The following STIM2 variants were observed in gnomAD, a reference collection of about 807,000 sequenced individuals.
STIM2 encodes the protein stromal interaction molecule 2.
STIM2 carries 31 observed loss-of-function variants against 85.8 expected under a neutral mutation model. The ratio of observed to expected loss-of-function variants is 0.36; its 90% CI spans 0.27 to 0.49. The LOEUF is 0.49. Among genes scored for constraint, STIM2 ranks in the 20% least tolerant of loss-of-function variants. The pLI is 0.98. For synonymous variants in STIM2, 356 were observed against 331.1 expected, an observed-to-expected ratio of 1.08 and a Z score of -0.82; for missense variants, 841 against 927.6, an observed-to-expected ratio of 0.91 and a Z score of 1.21.
At chr4:26,874,132 C>A (rs1722729725) in intron 1 of STIM2, 2 of 533,132 alleles carry the variant, frequency 3.8e-6, no homozygotes, top group Non-Finnish European at 7.3e-6. Context: ...TCTGGGGTTT[C>A]CAAGTGTTTG....
chr4:26,999,290 C>T lies in STIM2; in HGVS notation c.568C>T (p.His190Tyr). 3.1e-6 allele frequency: 5 copies of T among 1,609,876 alleles called. No homozygotes were observed. The highest frequency in any genetic ancestry group is 4.2e-6 in the Non-Finnish European group (5 of 1,177,998). The change falls in exon 5 of 12, where the codon CAC (histidine) becomes TAC (tyrosine). Residue 190 changes from histidine to tyrosine, a missense_variant. By Grantham distance (83) the His-to-Tyr change is moderately conservative (BLOSUM62 2). Around this residue, in one of 3 missense-constraint regions of STIM2, gnomAD observed 408 missense variants for 525.4 expected, o/e 0.78. Coordinates refer to ENST00000467087, the MANE Select transcript of STIM2 (RefSeq NM_020860.4). ...CCAGTTGAAAATCAGTGACCGGAGT[C>T]ACAGACAAAAACTTCAGCTCAAGGC... is the stretch of plus-strand genomic sequence containing the variant.
chr4:26,867,470 A>G (rs1006267380), intron 1 of STIM2, among the ~76,000 whole-genome samples: 1 of 152,232 alleles, frequency 6.6e-6, no homozygotes, highest in African/African-American at 2.4e-5. Context: ...CAAAGACAAT[A>G]TATTTGCCAT....
At chr4:26,994,967 C>G (rs1727901656) in intron 3 of STIM2, among the ~76,000 whole-genome samples, 1 of 152,132 alleles carries the variant, frequency 6.6e-6, no homozygotes, top group South Asian at 2.1e-4. Flanking sequence ...AGGACTTTAT[C>G]CGTTTTATTC....
At chr4:26,878,028 C>T (rs1722874337) in intron 1 of STIM2, among the ~76,000 whole-genome samples, 1 of 152,194 alleles carries the variant, frequency 6.6e-6, no homozygotes, top group Non-Finnish European at 1.5e-5. Context: ...GCCTCCAGAA[C>T]AGTGAGGAAA....
At chr4:26,917,545 A>T (rs971082417) in intron 1 of STIM2, among the ~76,000 whole-genome samples, 1 of 151,638 alleles carries the variant, frequency 6.6e-6, no homozygotes, top group Non-Finnish European at 1.5e-5. Context: ...TTATTAGATT[A>T]GCTAGTGTTT....
At chr4:27,013,531 G>A (rs1052417871) in intron 10 of STIM2, among the ~76,000 whole-genome samples, 1 of 151,866 alleles carries the variant, frequency 6.6e-6, no homozygotes, top group Non-Finnish European at 1.5e-5. Flanking sequence ...TTTTAGAGAG[G>A]CAGCAATATA....
At chr4:26,991,350 C>G (rs1437297837) in intron 3 of STIM2, among the ~76,000 whole-genome samples, 1 of 152,052 alleles carries the variant, frequency 6.6e-6, no homozygotes, top group African/African-American at 2.4e-5. Flanking sequence ...ATCACACGTT[C>G]TTCCTCAGAT....
intron 1 of STIM2, among the ~76,000 whole-genome samples, chr4:26,869,526 T>G (rs754045318): frequency 6.6e-6 from 1 of 151,948 alleles, no homozygotes; most frequent in Non-Finnish European, 1.5e-5. Context: ...TTAAAAACAT[T>G]TATGTATTTA....
chr4:26,938,302 T>G (rs1273614573), intron 2 of STIM2, among the ~76,000 whole-genome samples: 1 of 152,148 alleles, frequency 6.6e-6, no homozygotes, highest in African/African-American at 2.4e-5. Flanking sequence ...TGTGAAATGA[T>G]TATTATCGCA....
chr4:26,867,087 C>A (rs1296470714), intron 1 of STIM2, among the ~76,000 whole-genome samples: 1 of 151,942 alleles, frequency 6.6e-6, no homozygotes, highest in East Asian at 1.9e-4. Context: ...AAGGAGAGGT[C>A]TTGAGAATTC....
At chr4:26,928,290 C>G (rs1236122598) in intron 2 of STIM2, among the ~76,000 whole-genome samples, 1 of 152,126 alleles carries the variant, frequency 6.6e-6, no homozygotes, top group African/African-American at 2.4e-5. Flanking sequence ...ACATTCAAAT[C>G]ATAGCACACC....
intron 1 of STIM2, among the ~76,000 whole-genome samples, chr4:26,864,943 T>A (rs890333781): frequency 6.6e-6 from 1 of 152,180 alleles, no homozygotes; most frequent in Non-Finnish European, 1.5e-5. Flanking sequence ...TTTATTTTTA[T>A]TAGTAGTTGG....
intron 4 of STIM2, among the ~76,000 whole-genome samples, chr4:26,998,954 A>G (rs1411693176): frequency 1.3e-5 from 2 of 152,024 alleles, no homozygotes; most frequent in Non-Finnish European, 2.9e-5. Flanking sequence ...TTTCTAAATC[A>G]TAGTAAGTCA....
At chr4:26,862,553 A>G (rs967436690) in intron 1 of STIM2, among the ~76,000 whole-genome samples, 5 of 151,326 alleles carry the variant, frequency 3.3e-5, no homozygotes, top group Non-Finnish European at 5.9e-5. Flanking sequence ...GATATTTACT[A>G]TTCTAGAGAG....
At position 26,892,192 on chromosome 4, in the gene STIM2, C is replaced by T. The variant is rs564921729; in HGVS notation, c.152-27312C>T. On this transcript the variant is annotated intron_variant, in intron 1 of 11. Transcript: ENST00000467087. ...TGCCCAGTCTTGGGTATATCTTTATCAGCAGCGTGAAAATGAACGAATACA... is the reference window on the plus strand; with the variant it reads ...TGCCCAGTCTTGGGTATATCTTTATTAGCAGCGTGAAAATGAACGAATACA... Among the ~76,000 whole-genome samples the T allele has an allele frequency of 9.0e-4, 137 of 152,306 alleles. 1 individual carries two copies. The highest frequency in any genetic ancestry group is 3.2e-3 in the African/African-American group (135 of 41,568).
chr4:26,953,642 G>T (rs1260625299), intron 2 of STIM2, among the ~76,000 whole-genome samples: 1 of 151,958 alleles, frequency 6.6e-6, no homozygotes, highest in African/African-American at 2.4e-5. Context: ...TGCAAAACAG[G>T]CCTCCCGAGG....
chr4:26,891,589 ACACACACACC>A (rs1232374938), intron 1 of STIM2, among the ~76,000 whole-genome samples: 28 of 149,974 alleles, frequency 1.9e-4, no homozygotes, highest in African/African-American at 6.7e-4. Flanking sequence ...ACACACACAC[ACACACACACC>A]CCCTTTTGGT....
At chr4:26,919,781 C>G in intron 2 of STIM2, 147 bp downstream of exon 2, 1 of 938,674 alleles carries the variant, frequency 1.1e-6, no homozygotes, top group East Asian at 2.7e-5. Flanking sequence ...TTAATTTTAC[C>G]CTTAATAAAC....
chr4:26,907,892 C>T (rs1022270431), intron 1 of STIM2, among the ~76,000 whole-genome samples: 3 of 152,200 alleles, frequency 2.0e-5, no homozygotes, highest in East Asian at 1.9e-4. Flanking sequence ...GCTGGCACAG[C>T]GCACATATGT....
Sources: gnomAD v4.1 joint callset for allele counts (sites outside exome capture counted in the v4.1 genomes callset) on GRCh38, gnomAD v4.1.1 for gene constraint, gnomAD v4.1.1 regional missense constraint, MANE v1.5 for transcripts, NCBI Gene and HGNC (gene_info 2026-07-23, HGNC 2026-07-21) for gene names.